The following CHD9 variants were observed in gnomAD, a reference collection of about 807,000 sequenced individuals.
CHD9 encodes chromodomain helicase DNA binding protein 9.
In CHD9, 77 loss-of-function variants were observed where a neutral mutation model predicts 316.1. The ratio of observed to expected loss-of-function variants is 0.24; its 90% CI spans 0.20 to 0.29. CHD9 has a LOEUF of 0.29. CHD9 is among the 10% of genes least tolerant of loss of function. The pLI is 1.00. For synonymous variants in CHD9, 1,129 were observed against 1,158.3 expected, an observed-to-expected ratio of 0.97 and a Z score of 0.51; for missense variants, 2,763 against 3,438.1, an observed-to-expected ratio of 0.80 and a Z score of 4.91.
At chr16:53,137,472 T>C (rs533137128) in intron 1 of CHD9, among the ~76,000 whole-genome samples, 1 of 152,218 alleles carries the variant, frequency 6.6e-6, no homozygotes, top group Non-Finnish European at 1.5e-5. Flanking sequence ...TAGAAATATG[T>C]ATGTTCAACT....
chr16:53,286,457 T>C, intron 26 of CHD9, 114 bp downstream of exon 26: 1 of 614,778 alleles, frequency 1.6e-6, no homozygotes, highest in Non-Finnish European at 2.9e-6. Flanking sequence ...GGAATTGGAG[T>C]TTACAATCTG....
Position 53,292,526 on chromosome 16 carries a change from T to A in CHD9, c.5291-307T>A, listed in dbSNP as rs554990938. Among the ~76,000 whole-genome samples the A allele has an allele frequency of 3.9e-5, 6 of 152,358 alleles. No homozygotes were observed. The East Asian group carries it at 1.2e-3, about 29-fold the overall frequency. On this transcript the variant is annotated intron_variant, in intron 28 of 38. Transcript: ENST00000447540. ...TATTCAGCCTCTCATGGATTCAGTT[T>A]GGCTTTTAGTTTATTTAAGTTAAAG...
At chr16:53,221,282 A>G (rs879910390) in intron 3 of CHD9, among the ~76,000 whole-genome samples, 3 of 152,204 alleles carry the variant, frequency 2.0e-5, no homozygotes, top group Non-Finnish European at 4.4e-5. Flanking sequence ...AAAGAGATCA[A>G]GTAATTTGCC....
intron 1 of CHD9, among the ~76,000 whole-genome samples, chr16:53,107,804 G>A (rs1194740332): frequency 1.3e-5 from 2 of 152,204 alleles, no homozygotes; most frequent in Admixed American, 6.5e-5. Flanking sequence ...TATGGTCACA[G>A]CAGTGAGGAC....
chr16:53,081,875 A>G (rs2035049212), intron 1 of CHD9, among the ~76,000 whole-genome samples: 1 of 152,130 alleles, frequency 6.6e-6, no homozygotes. Context: ...GAATGAATAA[A>G]CCAATAACCT....
chr16:53,132,213 T>C (rs1366522621), intron 1 of CHD9, among the ~76,000 whole-genome samples: 1 of 152,200 alleles, frequency 6.6e-6, no homozygotes, highest in African/African-American at 2.4e-5. Context: ...GTGCTACAGT[T>C]ACTTTCCTGA....
rs565401147 is a variant in CHD9 at position 53,276,631 on chromosome 16, C to T, written c.4967+2329C>T. 1.0e-3 allele frequency among the ~76,000 whole-genome samples: 152 copies of T among 152,250 alleles called. 1 individual carries two copies. Among genetic ancestry groups the T allele is most frequent in the African/African-American group, 3.0e-3 (125 of 41,558 alleles). On this transcript the variant is annotated intron_variant, in intron 24 of 38. Transcript: ENST00000447540. ...GGCAAACCTTGTGCAGCATGGAACT[C>T]GTTTCTTCTTACCTTTTAAGGACTT...
At chr16:53,101,225 C>T (rs1318614533) in intron 1 of CHD9, among the ~76,000 whole-genome samples, 6 of 151,416 alleles carry the variant, frequency 4.0e-5, no homozygotes, top group African/African-American at 1.5e-4. Context: ...TAAAAACCTG[C>T]TGACTGGAAT....
intron 2 of CHD9, among the ~76,000 whole-genome samples, chr16:53,179,418 G>A (rs1208799925): frequency 6.6e-6 from 1 of 151,858 alleles, no homozygotes; most frequent in Non-Finnish European, 1.5e-5. Flanking sequence ...AATTGTTGGA[G>A]CCATGTTTAT....
At chr16:53,292,483 C>A (rs1321747091) in intron 28 of CHD9, among the ~76,000 whole-genome samples, 1 of 152,108 alleles carries the variant, frequency 6.6e-6, no homozygotes, top group Non-Finnish European at 1.5e-5. Context: ...AGAAGGCTTC[C>A]ATTAGAAGCG....
At position 53,156,640 on chromosome 16, in the gene CHD9, A is replaced by G; in HGVS notation, c.551A>G (p.Asn184Ser). The change falls in exon 2 of 39, where the codon AAT (asparagine) becomes AGT (serine). Residue 184 changes from asparagine to serine, a missense_variant. By Grantham distance (46) the Asn-to-Ser change is conservative (BLOSUM62 1). Around this residue, in one of 15 missense-constraint regions of CHD9, gnomAD observed 859 missense variants for 890.4 expected, o/e 0.96. Coordinates refer to ENST00000447540, the MANE Select transcript of CHD9 (RefSeq NM_001308319.2). ...CTSLRSQQNR[N>S]NLNPGQNSLS... The stretch of plus-strand genomic sequence containing the variant: ...TCACTACGCTCACAACAAAACAGAA[A>G]TAATCTCAACCCAGGGCAGAATTCT... 1 of 1,613,988 alleles carries G rather than the reference A, an allele frequency of 6.2e-7. No homozygotes were observed. The highest frequency in any genetic ancestry group is 8.5e-7 in the Non-Finnish European group (1 of 1,179,878).
At chr16:53,292,762 A>G (rs2054453822) in intron 28 of CHD9, 71 bp from the exon 29 acceptor site, 2 of 1,258,688 alleles carry the variant, frequency 1.6e-6, no homozygotes, top group South Asian at 2.6e-5. Flanking sequence ...TTTTTAAAGT[A>G]AAGTTGCTGC....
At chr16:53,239,051 C>G (rs1304969682) in intron 12 of CHD9, among the ~76,000 whole-genome samples, 1 of 152,052 alleles carries the variant, frequency 6.6e-6, no homozygotes, top group East Asian at 1.9e-4. Flanking sequence ...TTATTTTAGA[C>G]ATTTTTTAAA....
In CHD9 at chr16:53,304,294, A is replaced by C. The variant is rs771577316; in HGVS notation, c.6288A>C (p.Gly2096=). 1 of 1,611,578 alleles carries C rather than the reference A, an allele frequency of 6.2e-7. No individual in the cohort carries two copies. The highest frequency in any genetic ancestry group is 1.3e-5 in the African/African-American group (1 of 75,008). The change falls in exon 31 of 39, where the codon GGA becomes GGC. Residue 2096 remains glycine, a synonymous_variant. Transcript: ENST00000447540. ...CTACTGGAGACCAGAAATCTGGTGGAAAATGTGAAACAGACAGACGCATGG... is the reference window on the plus strand; with the variant it reads ...CTACTGGAGACCAGAAATCTGGTGGCAAATGTGAAACAGACAGACGCATGG... ...PQATGDQKSG[G]KCETDRRMVA...
At chr16:53,277,381 C>A (rs1225693688) in intron 24 of CHD9, among the ~76,000 whole-genome samples, 1 of 152,076 alleles carries the variant, frequency 6.6e-6, no homozygotes, top group Non-Finnish European at 1.5e-5. Flanking sequence ...TAACTGAATC[C>A]AGCAACGTAT....
intron 2 of CHD9, among the ~76,000 whole-genome samples, chr16:53,204,971 G>C (rs888949594): frequency 6.6e-6 from 1 of 152,018 alleles, no homozygotes. Flanking sequence ...AGCCCCCTGA[G>C]TAACTGGGAT....
At chr16:53,264,234 G>GA (rs1567584691) in intron 20 of CHD9, among the ~76,000 whole-genome samples, 1 of 151,872 alleles carries the variant, frequency 6.6e-6, no homozygotes, top group African/African-American at 2.4e-5. Context: ...CTTATAACTA[G>GA]AAAAAATAAT....
chr16:53,241,473 C>G (rs2049088391), intron 12 of CHD9, among the ~76,000 whole-genome samples: 1 of 152,228 alleles, frequency 6.6e-6, no homozygotes, highest in Admixed American at 6.5e-5. Flanking sequence ...CAAGTGTAAA[C>G]TCTTTCCTAA....
chr16:53,121,477 C>T (rs1017032043), intron 1 of CHD9: 4 of 455,234 alleles, frequency 8.8e-6, no homozygotes, highest in African/African-American at 8.0e-5. Flanking sequence ...AAGATTTGAA[C>T]TGTAAAGTAG....
Sources: gnomAD v4.1 joint callset for allele counts (sites outside exome capture counted in the v4.1 genomes callset) on GRCh38, gnomAD v4.1.1 for gene constraint, gnomAD v4.1.1 regional missense constraint, MANE v1.5 for transcripts, NCBI Gene and HGNC (gene_info 2026-07-23, HGNC 2026-07-21) for gene names.